Variants in DLGAP2 observed in about 807,000 individuals in gnomAD.
DLGAP2 encodes the protein disks large-associated protein 2.
A neutral mutation model predicts 100.3 loss-of-function variants in DLGAP2; 26 were observed. That is an observed-to-expected ratio of 0.26 (90% CI 0.19 to 0.36). The LOEUF is 0.36. DLGAP2 is among the 10% of genes least tolerant of loss of function. DLGAP2 has a pLI of 1.00. For synonymous variants in DLGAP2, 886 were observed against 630.1 expected (o/e 1.41, Z -6.08); for missense variants, 1,858 against 1,453.2 (o/e 1.28, Z -4.53).
intron 1 of DLGAP2, among the ~76,000 whole-genome samples, chr8:853,496 A>C (rs548073038): frequency 6.6e-6 from 1 of 152,330 alleles, no homozygotes; most frequent in South Asian, 2.1e-4. Flanking sequence ...GCCCCTCATC[A>C]GTTAGGGAAT....
chr8:1,454,720 G>A (rs1377348814), intron 3 of DLGAP2, among the ~76,000 whole-genome samples: 1 of 152,170 alleles, frequency 6.6e-6, no homozygotes, highest in Non-Finnish European at 1.5e-5. Context: ...TGAGATATCT[G>A]TTTTGTGGTT....
intron 2 of DLGAP2, among the ~76,000 whole-genome samples, chr8:1,128,087 T>C (rs968285235): frequency 6.6e-6 from 1 of 152,188 alleles, no homozygotes; most frequent in Non-Finnish European, 1.5e-5. Context: ...TTGTGTTCCA[T>C]GAGGACCTGC....
chr8:950,833 C>T (rs1398293549), intron 2 of DLGAP2, among the ~76,000 whole-genome samples: 1 of 151,894 alleles, frequency 6.6e-6, no homozygotes, highest in East Asian at 1.9e-4. Flanking sequence ...ACCATATTGG[C>T]CAGGCTGGTC....
At chr8:1,107,990 G>C (rs1041156638) in intron 2 of DLGAP2, among the ~76,000 whole-genome samples, 2 of 152,204 alleles carry the variant, frequency 1.3e-5, no homozygotes, top group African/African-American at 4.8e-5. Context: ...AGCAAATAGA[G>C]AATAGTCGTA....
chr8:993,775 C>A (rs562854486), intron 2 of DLGAP2, among the ~76,000 whole-genome samples: 3 of 139,738 alleles, frequency 2.1e-5, no homozygotes, highest in Admixed American at 7.3e-5. Flanking sequence ...ACCATGCAAG[C>A]AAACTGATTG....
chr8:1,323,512 A>G (rs1003204603), intron 3 of DLGAP2, among the ~76,000 whole-genome samples: 4 of 152,172 alleles, frequency 2.6e-5, no homozygotes, highest in Non-Finnish European at 5.9e-5. Flanking sequence ...CAGGTTGCAG[A>G]CGCAGTACCA....
intron 6 of DLGAP2, among the ~76,000 whole-genome samples, chr8:1,585,071 T>C (rs1452293086): frequency 6.6e-6 from 1 of 152,210 alleles, no homozygotes; most frequent in Non-Finnish European, 1.5e-5. Flanking sequence ...TCTCATATTT[T>C]ACTTCAACAT....
intron 3 of DLGAP2, among the ~76,000 whole-genome samples, chr8:1,413,948 C>A (rs1796805529): frequency 6.6e-6 from 1 of 152,234 alleles, no homozygotes; most frequent in East Asian, 1.9e-4. Flanking sequence ...TCATCGTAAG[C>A]TGTTCACTGA....
In DLGAP2 at chr8:1,539,049, C is replaced by T. The variant is rs542516258; in HGVS notation, c.173-9577C>T. On this transcript the variant is annotated intron_variant, in intron 4 of 14. Coordinates refer to ENST00000637795, the MANE Select transcript of DLGAP2 (RefSeq NM_001346810.2). ...TACAGGTGCACACCACCACGCCTGACTAATTTTTGTATTTTTAGTAGAGAT... is the reference window on the plus strand; with the variant it reads ...TACAGGTGCACACCACCACGCCTGATTAATTTTTGTATTTTTAGTAGAGAT... Among the ~76,000 whole-genome samples, 9 of 152,062 alleles carry T rather than the reference C, an allele frequency of 5.9e-5. No homozygotes were observed. In the East Asian group the frequency reaches 1.4e-3, roughly 23 times the overall value.
At chr8:1,648,607 C>A (rs13259879) in intron 8 of DLGAP2, among the ~76,000 whole-genome samples, 33,926 of 151,942 alleles carry the variant, frequency 0.22, 4,369 homozygotes, top group East Asian at 0.38. Context: ...CTTCTGCATG[C>A]AGGATTCGCT....
chr8:1,350,012 A>G (rs1245292270), intron 3 of DLGAP2, among the ~76,000 whole-genome samples: 1 of 152,198 alleles, frequency 6.6e-6, no homozygotes, highest in East Asian at 1.9e-4. Context: ...TAACCTTACA[A>G]CTAATATAAA....
Position 1,214,640 on chromosome 8 carries a change from T to G in DLGAP2, c.74-44211T>G, listed in dbSNP as rs548592188. ...ATGTGTCTGCTTCTTCCCTATTGTC[T>G]GTTTTCAGTTAGGCTCTGAGGTCCT... On this transcript the variant is annotated intron_variant, in intron 2 of 14. Coordinates refer to ENST00000637795, the MANE Select transcript of DLGAP2 (RefSeq NM_001346810.2). Among the ~76,000 whole-genome samples the G allele has an allele frequency of 3.9e-5, 6 of 152,370 alleles. No individual in the cohort carries two copies. The South Asian group carries it at 1.2e-3, about 32-fold the overall frequency.
chr8:1,206,797 C>T (rs1798005680), intron 2 of DLGAP2, among the ~76,000 whole-genome samples: 1 of 152,228 alleles, frequency 6.6e-6, no homozygotes, highest in South Asian at 2.1e-4. Flanking sequence ...TCTTTGTCTG[C>T]ACCTGCAGGC....
intron 2 of DLGAP2, among the ~76,000 whole-genome samples, chr8:1,169,193 G>A (rs1009879177): frequency 6.6e-6 from 1 of 152,052 alleles, no homozygotes; most frequent in Admixed American, 6.6e-5. Context: ...GATGGTTGTA[G>A]ATATGCGGCG....
chr8:1,381,782 A>AGT (rs72529197), intron 3 of DLGAP2, among the ~76,000 whole-genome samples: 28,712 of 141,478 alleles, frequency 0.2, 2,646 homozygotes, highest in Middle Eastern at 0.32. Flanking sequence ...GGGTTATTCT[A>AGT]GTGTGTGTGT....
intron 2 of DLGAP2, among the ~76,000 whole-genome samples, chr8:1,258,432 G>T (rs916218997): frequency 1.3e-5 from 2 of 151,848 alleles, no homozygotes; most frequent in African/African-American, 2.4e-5. Context: ...GGGGCCTGTC[G>T]GTGGGTGGGG....
chr8:1,644,914 T>C (rs1798005049), intron 8 of DLGAP2, among the ~76,000 whole-genome samples: 1 of 152,164 alleles, frequency 6.6e-6, no homozygotes, highest in Non-Finnish European at 1.5e-5. Context: ...ATACTTTTGC[T>C]CTCTTAGGGA....
At chr8:1,417,667 C>CAG (rs1471543662) in intron 3 of DLGAP2, among the ~76,000 whole-genome samples, 10,976 of 140,174 alleles carry the variant, frequency 0.078, 1,735 homozygotes, top group Admixed American at 0.11. Flanking sequence ...CTGCCTCACT[C>CAG]CGCGAGGCTC....
intron 3 of DLGAP2, among the ~76,000 whole-genome samples, chr8:1,392,299 T>C (rs141849875): frequency 1.2e-4 from 18 of 152,196 alleles, no homozygotes; most frequent in Non-Finnish European, 2.2e-4. Flanking sequence ...AGATCCTGGG[T>C]TGAGGCGCCA....
Sources: gnomAD v4.1 joint callset for allele counts (sites outside exome capture counted in the v4.1 genomes callset) on GRCh38, gnomAD v4.1.1 for gene constraint, MANE v1.5 for transcripts, NCBI Gene and HGNC (gene_info 2026-07-23, HGNC 2026-07-21) for gene names.